RAPGEF6: variants seen among roughly 807,000 people sequenced by gnomAD.
RAPGEF6 encodes the protein Rap guanine nucleotide exchange factor 6.
A neutral mutation model predicts 171.4 loss-of-function variants in RAPGEF6; 56 were observed. The ratio of observed to expected loss-of-function variants is 0.33; its 90% CI spans 0.26 to 0.41. RAPGEF6 has a LOEUF of 0.41. RAPGEF6 is among the 10% of genes least tolerant of loss of function. The pLI is 1.00. For missense variants in RAPGEF6, 1,674 were observed against 1,921.4 expected, an observed-to-expected ratio of 0.87 and a Z score of 2.41; for synonymous variants, 692 against 650.1, an observed-to-expected ratio of 1.06 and a Z score of -0.98.
intron 15 of RAPGEF6, among the ~76,000 whole-genome samples, chr5:131,485,153 C>T (rs1302249830): frequency 6.6e-6 from 1 of 152,124 alleles, no homozygotes; most frequent in Non-Finnish European, 1.5e-5. Context: ...CTTGGAACTC[C>T]TAGCCTCAAG....
chr5:131,587,249 T>C (rs761679872), intron 4 of RAPGEF6, among the ~76,000 whole-genome samples: 6 of 152,176 alleles, frequency 3.9e-5, no homozygotes, highest in African/African-American at 1.2e-4. Flanking sequence ...GTTAAGTATA[T>C]ACAACAGAAA....
At chr5:131,541,082 C>A (rs1316413228) in intron 6 of RAPGEF6, among the ~76,000 whole-genome samples, 1 of 152,190 alleles carries the variant, frequency 6.6e-6, no homozygotes, top group Non-Finnish European at 1.5e-5. Context: ...TTAAAACATT[C>A]TTAAGTAAAC....
Position 131,544,692 on chromosome 5 carries a change from T to A in RAPGEF6, c.495+3355A>T, listed in dbSNP as rs78923402. 4.7e-3 allele frequency among the ~76,000 whole-genome samples: 714 copies of A among 152,052 alleles called. 5 individuals are homozygous for A. Among genetic ancestry groups the A allele is most frequent in the African/African-American group, 0.016 (644 of 41,478 alleles). ...AAATCAAAATTTCATTTAAAAAAAATTTTTTTTTGAGACGGAGTCTCACTC... is the reference window on the plus strand; with the variant it reads ...AAATCAAAATTTCATTTAAAAAAAAATTTTTTTTGAGACGGAGTCTCACTC... On this transcript the variant is annotated intron_variant, in intron 6 of 27. Coordinates refer to ENST00000509018, the MANE Select transcript of RAPGEF6 (RefSeq NM_016340.6).
chr5:131,454,870 A>G (rs895004225), intron 20 of RAPGEF6, among the ~76,000 whole-genome samples: 8 of 152,238 alleles, frequency 5.3e-5, no homozygotes, highest in Non-Finnish European at 1.0e-4. Flanking sequence ...AGTTAAAGCA[A>G]CAGCAAATAA....
In RAPGEF6 at chr5:131,517,491, A is replaced by T. The variant is rs377232606; in HGVS notation, c.627+3899T>A. 3.4e-5 allele frequency among the ~76,000 whole-genome samples: 5 copies of T among 145,978 alleles called. No homozygotes were observed. The East Asian group carries it at 9.9e-4, about 29-fold the overall frequency. ...CTTCCCCTCAACTGTCCAAATTAAA[A>T]ATACTTCTATCATTTCACAAGGCTT... On this transcript the variant is annotated intron_variant, in intron 7 of 27. Coordinates refer to ENST00000509018, the MANE Select transcript of RAPGEF6 (RefSeq NM_016340.6).
intron 1 of RAPGEF6, among the ~76,000 whole-genome samples, chr5:131,618,732 A>T (rs1450726678): frequency 6.6e-6 from 1 of 152,208 alleles, no homozygotes; most frequent in Non-Finnish European, 1.5e-5. Context: ...CACAAGGTAA[A>T]ACCACTGTTG....
At chr5:131,448,903 A>C (rs1229605507) in intron 21 of RAPGEF6, among the ~76,000 whole-genome samples, 2 of 152,182 alleles carry the variant, frequency 1.3e-5, no homozygotes, top group Non-Finnish European at 2.9e-5. Flanking sequence ...AAAGAGACCA[A>C]GACATAAATT....
In RAPGEF6 at chr5:131,606,248, C is replaced by T. The variant is rs138557224; in HGVS notation, c.70-1555G>A. Among the ~76,000 whole-genome samples the T allele has an allele frequency of 3.2e-3, 489 of 151,198 alleles. 2 individuals are homozygous for T. The highest frequency in any genetic ancestry group is 5.8e-3 in the Non-Finnish European group (391 of 67,822). On this transcript the variant is annotated intron_variant, in intron 1 of 27. Transcript: ENST00000509018. The stretch of plus-strand genomic sequence containing the variant: ...CAGGCTTGTGGTACACATCTGTAGT[C>T]CCAGCTACTTAGGAAGCTGAGGTGT...
chr5:131,536,781 GTATA>G (rs1437956142), intron 6 of RAPGEF6, among the ~76,000 whole-genome samples: 1 of 152,152 alleles, frequency 6.6e-6, no homozygotes, highest in East Asian at 1.9e-4. Flanking sequence ...GATACATTTT[GTATA>G]TAGTTACTCA....
chr5:131,601,312 G>A (rs1370293645), intron 3 of RAPGEF6, among the ~76,000 whole-genome samples: 1 of 150,940 alleles, frequency 6.6e-6, no homozygotes, highest in Non-Finnish European at 1.5e-5. Flanking sequence ...TTGAACCCGA[G>A]AGGCAGAGGT....
chr5:131,592,636 G>A (rs1259324267), intron 3 of RAPGEF6, among the ~76,000 whole-genome samples, 170 bp from the exon 4 acceptor site: 1 of 152,088 alleles, frequency 6.6e-6, no homozygotes, highest in South Asian at 2.1e-4. Flanking sequence ...TACAGACCAC[G>A]TTTATGTGAA....
At chr5:131,495,382 T>C (rs1427696473) in intron 13 of RAPGEF6, among the ~76,000 whole-genome samples, 171 bp downstream of exon 13, 1 of 151,986 alleles carries the variant, frequency 6.6e-6, no homozygotes. Context: ...AATGTTGTTT[T>C]AATTGAGGTG....
At chr5:131,595,015 T>G (rs930741027) in intron 3 of RAPGEF6, among the ~76,000 whole-genome samples, 17 of 152,172 alleles carry the variant, frequency 1.1e-4, no homozygotes, top group African/African-American at 3.9e-4. Context: ...GAGTTAAGAC[T>G]TTGGGGGACT....
At chr5:131,591,509 T>G (rs1763590675) in intron 4 of RAPGEF6, among the ~76,000 whole-genome samples, 1 of 152,176 alleles carries the variant, frequency 6.6e-6, no homozygotes, top group Admixed American at 6.5e-5. Flanking sequence ...ATGAGCAAAG[T>G]AAGGCACAAA....
At chr5:131,513,241 T>G (rs1757859581) in intron 7 of RAPGEF6, among the ~76,000 whole-genome samples, 1 of 152,234 alleles carries the variant, frequency 6.6e-6, no homozygotes, top group African/African-American at 2.4e-5. Context: ...TTATATACAC[T>G]GATTTAATCT....
intron 4 of RAPGEF6, among the ~76,000 whole-genome samples, chr5:131,577,745 A>G (rs893871173): frequency 2.6e-5 from 4 of 152,204 alleles, no homozygotes; most frequent in African/African-American, 9.6e-5. Flanking sequence ...AGCTGTGTCC[A>G]TTGGACAGCC....
Position 131,606,416 on chromosome 5 carries a change from T to C in RAPGEF6, c.70-1723A>G, listed in dbSNP as rs370662383. Among the ~76,000 whole-genome samples the C allele has an allele frequency of 2.0e-5, 3 of 149,844 alleles. No individual in the cohort carries two copies. The East Asian group carries it at 5.8e-4, about 29-fold the overall frequency. ...TCTCTAATTCCAAAGATAACAACTG[T>C]CAATTAACCACAGTGAATTGAACAA... On this transcript the variant is annotated intron_variant, in intron 1 of 27. Transcript: ENST00000509018.
intron 3 of RAPGEF6, among the ~76,000 whole-genome samples, chr5:131,601,165 C>A (rs886712054): frequency 6.6e-6 from 1 of 151,628 alleles, no homozygotes; most frequent in Non-Finnish European, 1.5e-5. Context: ...GGGTGGATCA[C>A]CTGAGGTCAC....
intron 1 of RAPGEF6, among the ~76,000 whole-genome samples, chr5:131,623,735 T>G (rs1375017089): frequency 6.6e-6 from 1 of 152,184 alleles, no homozygotes; most frequent in Non-Finnish European, 1.5e-5. Context: ...TCTGCCCGCC[T>G]CGGCCTCCCA....
Sources: allele counts gnomAD v4.1 joint callset (sites outside exome capture counted in the v4.1 genomes callset), GRCh38; gene constraint gnomAD v4.1.1; transcripts MANE v1.5; gene names NCBI Gene and HGNC (gene_info 2026-07-23, HGNC 2026-07-21).